Variants in CCDC69 observed in about 807,000 individuals in gnomAD.
CCDC69 encodes the protein coiled-coil domain-containing protein 69.
A neutral mutation model predicts 40.3 loss-of-function variants in CCDC69; 38 were observed. The observed-to-expected ratio is 0.94, with a 90% CI of 0.73 to 1.24. The LOEUF is 1.24. Among genes scored for constraint, CCDC69 ranks in the 50% most tolerant of loss-of-function variants. The probability of loss-of-function intolerance (pLI) is 0.00; values close to 1 mark genes in which losing one functional copy is unlikely to be tolerated. For missense variants in CCDC69, 389 were observed against 357.9 expected (o/e 1.09, Z -0.70); for synonymous variants, 141 against 138.9 (o/e 1.02, Z -0.11).
intron 1 of CCDC69, among the ~76,000 whole-genome samples, chr5:151,214,803 AG>A (rs1397223203): frequency 6.6e-6 from 1 of 152,144 alleles, no homozygotes; most frequent in Non-Finnish European, 1.5e-5. Context: ...AGGGGAGCAA[AG>A]GACCACTTCC....
chr5:151,203,013 A>AC (rs1228076000), intron 2 of CCDC69, among the ~76,000 whole-genome samples: 1 of 152,120 alleles, frequency 6.6e-6, no homozygotes, highest in Non-Finnish European at 1.5e-5. Flanking sequence ...GGGATGACTC[A>AC]CCTGCTCCTC....
intron 1 of CCDC69, among the ~76,000 whole-genome samples, chr5:151,222,861 A>C (rs910321698): frequency 6.6e-6 from 1 of 152,174 alleles, no homozygotes; most frequent in African/African-American, 2.4e-5. Context: ...AGGGAGTAGA[A>C]TCCTCCAGGC....
At chr5:151,207,214 G>C (rs1351278444) in intron 1 of CCDC69, among the ~76,000 whole-genome samples, 1 of 151,882 alleles carries the variant, frequency 6.6e-6, no homozygotes, top group Non-Finnish European at 1.5e-5. Flanking sequence ...CACTGTACCT[G>C]GCCAAATGAG....
chr5:151,197,508 G>C (rs547298168), intron 4 of CCDC69, among the ~76,000 whole-genome samples: 1 of 152,176 alleles, frequency 6.6e-6, no homozygotes, highest in South Asian at 2.1e-4. Context: ...GGGCAACAGA[G>C]CGAGACCCTG....
In CCDC69 at chr5:151,183,037, AG is replaced by A; in HGVS notation, c.*399del. On this transcript the variant is annotated 3_prime_UTR_variant, in exon 9 of 9. Transcript: ENST00000355417. ...GCCAGGGTGGAGTGGAAACACCTAG[AG>A]GAAGTTGATAAGTCAGCAAGTCGGC... The A allele has an allele frequency of 2.2e-6, 1 of 464,184 alleles. No individual in the cohort carries two copies. Among genetic ancestry groups the A allele is most frequent in the Non-Finnish European group, 4.3e-6 (1 of 232,240 alleles). The allele number at this position is 464,184 out of a possible 1,614,324, so 28.8% of individuals were successfully genotyped here. A position where few individuals can be genotyped will look rare whatever the true frequency, so the allele number is the denominator to read the frequency against.
intron 1 of CCDC69, among the ~76,000 whole-genome samples, chr5:151,207,701 G>T (rs955379465): frequency 6.6e-6 from 1 of 152,176 alleles, no homozygotes; most frequent in Admixed American, 6.5e-5. Flanking sequence ...GAGAACTGAC[G>T]TGCTTACTGA....
chr5:151,216,742 C>T (rs13359932), intron 1 of CCDC69, among the ~76,000 whole-genome samples: 11,467 of 152,114 alleles, frequency 0.075, 1,417 homozygotes, highest in African/African-American at 0.26. Context: ...AAAGCAACAA[C>T]GCATTCAAGA....
intron 3 of CCDC69, among the ~76,000 whole-genome samples, chr5:151,199,757 C>G (rs1190262123): frequency 1.3e-5 from 2 of 152,156 alleles, no homozygotes; most frequent in Admixed American, 6.5e-5. Flanking sequence ...GGGGCCCTTA[C>G]AAGTCTCAAG....
chr5:151,198,298 C>T (rs1752728894), intron 4 of CCDC69, among the ~76,000 whole-genome samples: 2 of 119,940 alleles, frequency 1.7e-5, no homozygotes, highest in East Asian at 4.2e-4. Flanking sequence ...ATTGATCTAT[C>T]TATCTATCTA....
At chr5:151,208,499 A>C (rs1313288865) in intron 1 of CCDC69, among the ~76,000 whole-genome samples, 1 of 152,202 alleles carries the variant, frequency 6.6e-6, no homozygotes, top group Non-Finnish European at 1.5e-5. Context: ...GGCCTCCCCC[A>C]GGTCCTCGTG....
intron 1 of CCDC69, among the ~76,000 whole-genome samples, chr5:151,219,455 G>A (rs554797237): frequency 1.3e-5 from 2 of 152,260 alleles, no homozygotes; most frequent in South Asian, 4.1e-4. Flanking sequence ...GGGTAGGAGT[G>A]CAGACTGCAA....
intron 1 of CCDC69, chr5:151,212,738 G>A (rs1271864073): frequency 4.4e-6 from 2 of 455,710 alleles, no homozygotes; most frequent in Non-Finnish European, 8.8e-6. Flanking sequence ...AGGAAGACCT[G>A]ATATTGTCTT....
chr5:151,207,254 G>C (rs902108360), intron 1 of CCDC69, among the ~76,000 whole-genome samples: 1 of 149,906 alleles, frequency 6.7e-6, no homozygotes, highest in Admixed American at 6.7e-5. Context: ...AGTTGATATG[G>C]GCTGATGAGG....
rs916909943 is a variant in CCDC69, at chr5:151,186,263, A to G, written c.394-139T>C. The G allele has an allele frequency of 2.7e-5, 18 of 661,336 alleles. No homozygotes were observed. The African/African-American group carries it at 3.0e-4, about 11-fold the overall frequency. The allele number at this position is 661,336 out of a possible 1,614,324, so 41.0% of individuals were successfully genotyped here. A position where few individuals can be genotyped will look rare whatever the true frequency, so the allele number is the denominator to read the frequency against. On this transcript the variant is annotated intron_variant, in intron 5 of 8. Transcript: ENST00000355417. ...TACTCTACATGACAATGCAACATCA[A>G]CATACTTCGACCACTGCTTGAGATC... is the stretch of plus-strand genomic sequence containing the variant.
At chr5:151,203,903 T>C (rs1156282092) in intron 2 of CCDC69, among the ~76,000 whole-genome samples, 2 of 143,564 alleles carry the variant, frequency 1.4e-5, no homozygotes, top group African/African-American at 5.1e-5. Flanking sequence ...ATAAAATATA[T>C]ATCGTATATA....
At chr5:151,185,566 T>C (rs1209294983) in intron 6 of CCDC69, 25 bp from the exon 7 acceptor site, 3 of 1,611,906 alleles carry the variant, frequency 1.9e-6, no homozygotes, top group East Asian at 2.2e-5. Context: ...AGTGACCTCA[T>C]TAGGCCAGTA....
At chr5:151,214,264 C>T (rs34493265) in intron 1 of CCDC69, among the ~76,000 whole-genome samples, 14,267 of 152,242 alleles carry the variant, frequency 0.094, 741 homozygotes, top group Middle Eastern at 0.15. Flanking sequence ...ACCACTAGTG[C>T]TGGGATCTAA....
chr5:151,215,749 C>A, intron 1 of CCDC69: 1 of 299,476 alleles, frequency 3.3e-6, no homozygotes, highest in Non-Finnish European at 7.5e-6. Flanking sequence ...GCTCCTAATT[C>A]TACAGTAGCA....
chr5:151,191,849 C>T (rs918123504), intron 4 of CCDC69, among the ~76,000 whole-genome samples: 13 of 151,966 alleles, frequency 8.6e-5, no homozygotes, highest in African/African-American at 2.7e-4. Context: ...CTTTGAGAGG[C>T]GGAGTCAGGA....
Sources: allele counts gnomAD v4.1 joint callset (sites outside exome capture counted in the v4.1 genomes callset), GRCh38; gene constraint gnomAD v4.1.1; transcripts MANE v1.5; gene names NCBI Gene and HGNC (gene_info 2026-07-23, HGNC 2026-07-21).